The following ARFGEF2 variants were observed in gnomAD, a reference collection of about 807,000 sequenced individuals.
The protein encoded by ARFGEF2 is ARF guanine nucleotide exchange factor 2, also known as brefeldin A-inhibited guanine nucleotide-exchange protein 2.
ARFGEF2 carries 74 observed loss-of-function variants against 219.9 expected under a neutral mutation model. The observed-to-expected ratio is 0.34, with a 90% CI of 0.28 to 0.41. The LOEUF is 0.41. ARFGEF2 is among the 10% of genes least tolerant of loss of function. The pLI, the probability that ARFGEF2 is intolerant of heterozygous loss-of-function variation, is 1.00. For missense variants in ARFGEF2, 1,743 were observed against 2,218.3 expected (o/e 0.79, Z 4.30); for synonymous variants, 733 against 799.2 (o/e 0.92, Z 1.40).
intron 26 of ARFGEF2, among the ~76,000 whole-genome samples, chr20:49,008,502 G>T (rs2091476807): frequency 6.6e-6 from 1 of 151,644 alleles, no homozygotes; most frequent in South Asian, 2.1e-4. Flanking sequence ...GGTGGAGGTT[G>T]CAGTGAGCCA....
At chr20:49,006,302 AT>A (rs1455631914) in intron 26 of ARFGEF2, among the ~76,000 whole-genome samples, 1 of 152,224 alleles carries the variant, frequency 6.6e-6, no homozygotes, top group Non-Finnish European at 1.5e-5. Flanking sequence ...CTCAAAAAAA[AT>A]AAATAAAAAT....
chr20:49,004,762 A>C (rs1281874451), intron 25 of ARFGEF2, among the ~76,000 whole-genome samples: 1 of 152,200 alleles, frequency 6.6e-6, no homozygotes, highest in East Asian at 1.9e-4. Context: ...ACTGCACTCC[A>C]GTCTGGGCGA....
chr20:49,008,495 G>C (rs1287574949), intron 26 of ARFGEF2, among the ~76,000 whole-genome samples: 3 of 151,804 alleles, frequency 2.0e-5, no homozygotes, highest in Admixed American at 1.3e-4. Context: ...CCTGGGAGGT[G>C]GAGGTTGCAG....
intron 12 of ARFGEF2, 80 bp downstream of exon 12, chr20:48,973,364 G>T (rs2091240392): frequency 6.8e-7 from 1 of 1,480,070 alleles, no homozygotes; most frequent in East Asian, 2.4e-5. Flanking sequence ...CACATGCCAG[G>T]CACTGTCCTT....
intron 37 of ARFGEF2, among the ~76,000 whole-genome samples, chr20:49,031,532 C>T (rs2091634577): frequency 6.6e-6 from 1 of 152,056 alleles, no homozygotes; most frequent in Admixed American, 6.6e-5. Flanking sequence ...CCTGGCCAGG[C>T]AATTTTTTAT....
At chr20:48,965,850 G>A in intron 7 of ARFGEF2, 22 bp from the exon 8 acceptor site, 1 of 1,613,928 alleles carries the variant, frequency 6.2e-7, no homozygotes, top group Non-Finnish European at 8.5e-7. Context: ...ATTTGGCTAT[G>A]ACTTTGTACT....
At chr20:48,976,864 C>T (rs1162151764) in intron 14 of ARFGEF2, among the ~76,000 whole-genome samples, 1 of 152,104 alleles carries the variant, frequency 6.6e-6, no homozygotes, top group East Asian at 1.9e-4. Context: ...TTTTTTCCAA[C>T]TATATATTAC....
In ARFGEF2 at chr20:48,987,889, G is replaced by A. The variant is rs181966666; in HGVS notation, c.2277-415G>A. Reference sequence around the variant, plus strand: ...TGCAACCTCCACCTCCCGGGTTCAGGCAATTCTCCTGCCTCAGTCTCCCGA... The same window carrying A: ...TGCAACCTCCACCTCCCGGGTTCAGACAATTCTCCTGCCTCAGTCTCCCGA... On this transcript the variant is annotated intron_variant, in intron 16 of 38. Transcript: ENST00000371917. Among the ~76,000 whole-genome samples the A allele has an allele frequency of 3.3e-5, 5 of 152,252 alleles. No individual in the cohort carries two copies. The East Asian group carries it at 9.6e-4, about 29-fold the overall frequency.
intron 3 of ARFGEF2, among the ~76,000 whole-genome samples, chr20:48,950,599 A>G (rs1378272302): frequency 1.3e-5 from 2 of 151,236 alleles, no homozygotes; most frequent in African/African-American, 4.9e-5. Flanking sequence ...TTTGGGACCA[A>G]TCTGAGCAAT....
In ARFGEF2 at chr20:48,990,635, A is replaced by G. The variant is rs368916387; in HGVS notation, c.2815-405A>G. On this transcript the variant is annotated intron_variant, in intron 20 of 38. Coordinates refer to ENST00000371917, the MANE Select transcript of ARFGEF2 (RefSeq NM_006420.3). ...ACCCCACTCTGCCACCTCTCCAACC[A>G]TGTGACATTGGCTCAGCTAAAGTCT... is the stretch of plus-strand genomic sequence containing the variant. 1.1e-4 allele frequency among the ~76,000 whole-genome samples: 17 copies of G among 152,292 alleles called. 1 individual carries two copies. The highest frequency in any genetic ancestry group is 8.3e-4 in the South Asian group (4 of 4,822).
At chr20:48,960,863 C>CCT (rs1173853342) in intron 6 of ARFGEF2, among the ~76,000 whole-genome samples, 4 of 150,898 alleles carry the variant, frequency 2.7e-5, no homozygotes, top group African/African-American at 9.7e-5. Context: ...AGGCAGATCA[C>CCT]GAGGTCAAGA....
At position 48,965,889 on chromosome 20, in the gene ARFGEF2, G is replaced by A. The variant is rs760704756; in HGVS notation, c.925G>A (p.Gly309Ser). 1 of 1,614,194 alleles carries A rather than the reference G, an allele frequency of 6.2e-7. No homozygotes were observed. The highest frequency in any genetic ancestry group is 8.5e-7 in the Non-Finnish European group (1 of 1,180,034). The change falls in exon 8 of 39, where the codon GGT (glycine) becomes AGT (serine). Residue 309 changes from glycine (G) to serine (S), a missense_variant. This residue lies in a region of ARFGEF2 where 394 missense variants were observed against 426.6 expected (regional missense o/e 0.92). Transcript: ENST00000371917. Reference sequence around the variant, plus strand: ...GTTTTAAGAAGCAGCGGAAAAGCATGGTCTGACAGAACCTGAGAGAGTTCT... The same window carrying A: ...GTTTTAAGAAGCAGCGGAAAAGCATAGTCTGACAGAACCTGAGAGAGTTCT... Reference protein sequence around the residue: ...SAIKEAAEKHGLTEPERVLGE... With the variant: ...SAIKEAAEKHSLTEPERVLGE...
chr20:49,032,131 C>A lies in ARFGEF2; in HGVS notation c.5146C>A (p.Leu1716Ile), dbSNP rs1290476602. ...REAWTSLLLL[L>I]LTKTLKINDE... is the part of the protein sequence containing the mutation. ...GGCCTGGACAAGTCTCTTGTTGTTA[C>A]TTCTAACTAAAACCCTCAAAATAAA... The change falls in exon 38 of 39, where the codon CTT (leucine) becomes ATT (isoleucine). Residue 1716 changes from leucine (L) to isoleucine (I), a missense_variant. Around this residue, in one of 5 missense-constraint regions of ARFGEF2, gnomAD observed 578 missense variants for 664.0 expected, o/e 0.87. Transcript: ENST00000371917. The A allele has an allele frequency of 6.2e-7, 1 of 1,613,734 alleles. No individual in the cohort carries two copies. Among genetic ancestry groups the A allele is most frequent in the African/African-American group, 1.3e-5 (1 of 74,900 alleles).
At chr20:48,935,824 A>AC (rs1316783476) in intron 1 of ARFGEF2, among the ~76,000 whole-genome samples, 1 of 114,518 alleles carries the variant, frequency 8.7e-6, no homozygotes, top group Non-Finnish European at 1.8e-5. Flanking sequence ...CGGGGGGCTG[A>AC]CCCCCCAACC....
Position 48,956,373 on chromosome 20 carries a change from G to C in ARFGEF2, c.838+2583G>C, listed in dbSNP as rs542330446. Reference sequence around the variant, plus strand: ...TGTAGATGAAGAGAATTCACCAATAGACCTGGACATCTGTGGTGGCTCACG... The same window carrying C: ...TGTAGATGAAGAGAATTCACCAATACACCTGGACATCTGTGGTGGCTCACG... On this transcript the variant is annotated intron_variant, in intron 6 of 38. Coordinates refer to ENST00000371917, the MANE Select transcript of ARFGEF2 (RefSeq NM_006420.3). Among the ~76,000 whole-genome samples, 38 of 151,996 alleles carry C rather than the reference G, an allele frequency of 2.5e-4. 2 individuals carry two copies. Among genetic ancestry groups the C allele is most frequent in the Admixed American group, 2.2e-3 (34 of 15,276 alleles).
intron 3 of ARFGEF2, among the ~76,000 whole-genome samples, chr20:48,949,739 T>A (rs2091053033): frequency 6.6e-6 from 1 of 152,062 alleles, no homozygotes. Flanking sequence ...CCCACAGTGG[T>A]GGCTGCTCTA....
rs2091576057 is a variant in ARFGEF2, at chr20:49,023,131, T to C, written c.4705T>C (p.Tyr1569His). 1 of 1,614,082 alleles carries C rather than the reference T, an allele frequency of 6.2e-7. No individual in the cohort carries two copies. The highest frequency in any genetic ancestry group is 1.3e-5 in the African/African-American group (1 of 74,914). ...LIQTIDNIVFYPATSKKEDAE... is the reference protein window; with the variant it reads ...LIQTIDNIVFHPATSKKEDAE... The stretch of plus-strand genomic sequence containing the variant: ...ACAGACCATTGACAACATTGTGTTC[T>C]ACCCTGCGACGAGCAAAAAGGAGGA... Residue 1569 changes from tyrosine to histidine, a missense_variant, in exon 35 of 39, where the codon TAC (tyrosine) becomes CAC (histidine). Around this residue, in one of 5 missense-constraint regions of ARFGEF2, gnomAD observed 578 missense variants for 664.0 expected, o/e 0.87. Coordinates refer to ENST00000371917, the MANE Select transcript of ARFGEF2 (RefSeq NM_006420.3).
At chr20:48,953,409 C>G (rs1170556354) in intron 5 of ARFGEF2, 147 bp from the exon 6 acceptor site, 1 of 768,086 alleles carries the variant, frequency 1.3e-6, no homozygotes, top group East Asian at 2.6e-5. Flanking sequence ...CTCCTGGGTT[C>G]AAGAATTCCT....
At chr20:48,943,130 A>G (rs1327334605) in intron 3 of ARFGEF2, among the ~76,000 whole-genome samples, 1 of 152,180 alleles carries the variant, frequency 6.6e-6, no homozygotes, top group Non-Finnish European at 1.5e-5. Flanking sequence ...CACAGCACTA[A>G]CTACACCACT....
Sources: allele counts gnomAD v4.1 joint callset (sites outside exome capture counted in the v4.1 genomes callset), GRCh38; gene constraint gnomAD v4.1.1; regional missense constraint gnomAD v4.1.1; transcripts MANE v1.5; gene names NCBI Gene and HGNC (gene_info 2026-07-23, HGNC 2026-07-21).